NAA15: variants seen among roughly 807,000 people sequenced by gnomAD.
NAA15 encodes N-alpha-acetyltransferase 15, NatA auxiliary subunit.
Under a neutral mutation model 114.0 loss-of-function variants are expected in NAA15, and 34 were observed. The observed-to-expected ratio is 0.30, with a 90% CI of 0.23 to 0.40. NAA15 has a LOEUF of 0.40. NAA15 is among the 10% of genes least tolerant of loss of function. The pLI is 1.00. For synonymous variants in NAA15, 340 were observed against 338.0 expected (o/e 1.01, Z -0.06); for missense variants, 658 against 1,004.5 (o/e 0.66, Z 4.66).
At chr4:139,376,622 G>A (rs1221997506) in intron 16 of NAA15, 149 bp downstream of exon 16, 9 of 627,798 alleles carry the variant, frequency 1.4e-5, no homozygotes, top group Non-Finnish European at 2.6e-5. Context: ...TGAACAGAAT[G>A]TGTAGGGAGA....
At chr4:139,302,914 A>G (rs1373694806) in intron 1 of NAA15, among the ~76,000 whole-genome samples, 3 of 152,176 alleles carry the variant, frequency 2.0e-5, no homozygotes, top group East Asian at 1.9e-4. Flanking sequence ...ACGTTTCCTT[A>G]TGATAGAATT....
At chr4:139,362,967 G>C (rs1748176891) in intron 14 of NAA15, among the ~76,000 whole-genome samples, 1 of 152,134 alleles carries the variant, frequency 6.6e-6, no homozygotes, top group African/African-American at 2.4e-5. Flanking sequence ...CTGCTAAACA[G>C]CTTTTGAATT....
intron 1 of NAA15, chr4:139,318,389 G>A (rs1746483232): frequency 6.6e-6 from 1 of 151,672 alleles, no homozygotes; most frequent in Non-Finnish European, 1.5e-5. Context: ...TGCTTCTTTG[G>A]CAGCACATAT....
At chr4:139,357,336 C>T in intron 10 of NAA15, 50 bp from the exon 11 acceptor site, 1 of 1,563,506 alleles carries the variant, frequency 6.4e-7, no homozygotes, top group Non-Finnish European at 8.8e-7. Flanking sequence ...GGGGGGTGCT[C>T]TTAATATATG....
At chr4:139,366,113 T>G (rs1748275426) in intron 14 of NAA15, among the ~76,000 whole-genome samples, 1 of 152,324 alleles carries the variant, frequency 6.6e-6, no homozygotes, top group South Asian at 2.1e-4. Context: ...ATTGGCTTTA[T>G]GTTATCTATT....
rs1012880118 is a variant in NAA15, at chr4:139,365,955, G to A, written c.1753+4018G>A. On this transcript the variant is annotated intron_variant, in intron 14 of 19. Transcript: ENST00000296543. Reference sequence around the variant, plus strand: ...GTTACCAGTTGTTAAAAAGGTCAGTGCTTATGTTGCCATCCATTTATAGTT... The same window carrying A: ...GTTACCAGTTGTTAAAAAGGTCAGTACTTATGTTGCCATCCATTTATAGTT... Among the ~76,000 whole-genome samples the A allele has an allele frequency of 4.6e-5, 7 of 151,912 alleles. No individual in the cohort carries two copies. The East Asian group carries it at 1.4e-3, about 29-fold the overall frequency.
intron 1 of NAA15, chr4:139,302,100 G>A (rs1449092133): frequency 7.8e-6 from 3 of 386,396 alleles, no homozygotes; most frequent in Non-Finnish European, 1.4e-5. Context: ...TAGACTGCCG[G>A]TTCTCATTCT....
rs967918496 is a variant in NAA15 at position 139,391,344 on chromosome 4, A to G, written c.*3260A>G. 6.6e-6 allele frequency: 1 copy of G among 152,232 alleles called. No homozygotes were observed. The highest frequency in any genetic ancestry group is 2.4e-5 in the African/African-American group (1 of 41,456). 9.4% of individuals were successfully genotyped at this position (152,232 alleles called of 1,614,324 possible). Reference sequence around the variant, plus strand: ...AATTTTGTTCTAATTTTGATGGTTGAAAAATTTCAACCTGTAGCAATAAAA... The same window carrying G: ...AATTTTGTTCTAATTTTGATGGTTGGAAAATTTCAACCTGTAGCAATAAAA... On this transcript the variant is annotated 3_prime_UTR_variant, in exon 20 of 20. Transcript: ENST00000296543.
In NAA15 at chr4:139,343,776, G is replaced by C. The variant is rs536847620; in HGVS notation, c.538-410G>C. ...TGTGTTTAATATGCAGTTTGAGACT[G>C]AATAGCCTATTGCTCATCAAACTTT... On this transcript the variant is annotated intron_variant, in intron 5 of 19. Transcript: ENST00000296543. Among the ~76,000 whole-genome samples, 18 of 152,322 alleles carry C rather than the reference G, an allele frequency of 1.2e-4. No individual in the cohort carries two copies. The South Asian group carries it at 3.7e-3, about 32-fold the overall frequency.
chr4:139,309,253 C>T (rs1288725220), intron 1 of NAA15, among the ~76,000 whole-genome samples: 7 of 149,622 alleles, frequency 4.7e-5, no homozygotes, highest in Non-Finnish European at 8.9e-5. Context: ...GAGGCTGAGG[C>T]GGGAGAATTA....
At position 139,301,520 on chromosome 4, in the gene NAA15, T is replaced by A. The variant is rs961245866; in HGVS notation, c.-258T>A. ...CCGCCATTTTGGCTGCCTCTGTCGG[T>A]CTGTTCAGTTACCACGTGAACCGCC... On this transcript the variant is annotated 5_prime_UTR_variant, in exon 1 of 20. Transcript: ENST00000296543. 9 of 494,870 alleles carry A rather than the reference T, an allele frequency of 1.8e-5. No homozygotes were observed. Among genetic ancestry groups the A allele is most frequent in the East Asian group, 3.4e-5 (1 of 29,140 alleles). The allele number at this position is 494,870 out of a possible 1,614,324, so 30.7% of individuals were successfully genotyped here. A position where few individuals can be genotyped will look rare whatever the true frequency, so the allele number is the denominator to read the frequency against.
intron 3 of NAA15, among the ~76,000 whole-genome samples, chr4:139,340,538 C>CAT (rs891242637): frequency 5.3e-5 from 8 of 151,726 alleles, no homozygotes; most frequent in Non-Finnish European, 8.8e-5. Flanking sequence ...TAACTGTTTA[C>CAT]ATATATATAT....
chr4:139,322,016 A>G (rs997625956), intron 1 of NAA15, among the ~76,000 whole-genome samples: 1 of 151,936 alleles, frequency 6.6e-6, no homozygotes, highest in Non-Finnish European at 1.5e-5. Flanking sequence ...TAATGTCTGG[A>G]TCCTCTTGCC....
At position 139,357,624 on chromosome 4, in the gene NAA15, A is replaced by G. The variant is rs944837783; in HGVS notation, c.1257+69A>G. 17 of 1,009,006 alleles carry G rather than the reference A, an allele frequency of 1.7e-5. No homozygotes were observed. The African/African-American group carries it at 1.8e-4, about 11-fold the overall frequency. 62.5% of individuals were successfully genotyped at this position (1,009,006 alleles called of 1,614,324 possible). On this transcript the variant is annotated intron_variant, in intron 11 of 19. Coordinates refer to ENST00000296543, the MANE Select transcript of NAA15 (RefSeq NM_057175.5). Reference sequence around the variant, plus strand: ...GTCATGAACTTTTTCTCTGTATTTTATAGATTCTAAATATAGGAAAAGTGA... The same window carrying G: ...GTCATGAACTTTTTCTCTGTATTTTGTAGATTCTAAATATAGGAAAAGTGA...
chr4:139,317,038 C>G (rs1283960324), intron 1 of NAA15, among the ~76,000 whole-genome samples: 2 of 151,860 alleles, frequency 1.3e-5, no homozygotes, highest in African/African-American at 4.8e-5. Context: ...ATTGCTCTCA[C>G]TGTCATGTAT....
At chr4:139,306,843 T>G (rs1746039693) in intron 1 of NAA15, among the ~76,000 whole-genome samples, 1 of 152,182 alleles carries the variant, frequency 6.6e-6, no homozygotes, top group Non-Finnish European at 1.5e-5. Context: ...TTGGAAAAGA[T>G]GGACATATCC....
At chr4:139,322,276 A>G (rs1006430247) in intron 1 of NAA15, among the ~76,000 whole-genome samples, 3 of 152,182 alleles carry the variant, frequency 2.0e-5, no homozygotes, top group African/African-American at 4.8e-5. Flanking sequence ...AGTTTTAAAA[A>G]GGGGAGTTTC....
chr4:139,333,482 T>C (rs1169437725), intron 1 of NAA15, among the ~76,000 whole-genome samples: 1 of 152,160 alleles, frequency 6.6e-6, no homozygotes, highest in Non-Finnish European at 1.5e-5. Flanking sequence ...TATGTTACAG[T>C]CTGGGTATTT....
chr4:139,301,686 G>A lies in NAA15; in HGVS notation c.-92G>A. ...GTGGCGGCGGATCGAGATATTCAAG[G>A]CTGAAGCAGCTACGGAACGGCAGCG... On this transcript the variant is annotated 5_prime_UTR_variant, in exon 1 of 20. Coordinates refer to ENST00000296543, the MANE Select transcript of NAA15 (RefSeq NM_057175.5). 1 of 1,443,770 alleles carries A rather than the reference G, an allele frequency of 6.9e-7. No individual in the cohort carries two copies. 89.4% of individuals were successfully genotyped at this position (1,443,770 alleles called of 1,614,324 possible).
Sources: allele counts gnomAD v4.1 joint callset (sites outside exome capture counted in the v4.1 genomes callset), GRCh38; gene constraint gnomAD v4.1.1; transcripts MANE v1.5; gene names NCBI Gene and HGNC (gene_info 2026-07-23, HGNC 2026-07-21).